The following BBS9 variants were observed in gnomAD, a reference collection of about 807,000 sequenced individuals.
BBS9 encodes the protein protein PTHB1.
Under a neutral mutation model 117.7 loss-of-function variants are expected in BBS9, and 89 were observed. That is an observed-to-expected ratio of 0.76 (90% confidence interval 0.64 to 0.90). The LOEUF is 0.90. Among genes scored for constraint, BBS9 ranks in the 40% least tolerant of loss-of-function variants. BBS9 has a pLI of 0.00. For missense variants in BBS9, 982 were observed against 1,042.2 expected (o/e 0.94, Z 0.80); for synonymous variants, 379 against 370.9 (o/e 1.02, Z -0.25).
chr7:33,140,446 G>A (rs1056542864), intron 1 of BBS9, among the ~76,000 whole-genome samples: 2 of 151,722 alleles, frequency 1.3e-5, no homozygotes, highest in African/African-American at 4.8e-5. Flanking sequence ...TCCTTTTATC[G>A]TAGCCATCCT....
At chr7:33,511,611 T>G (rs544739898) in intron 20 of BBS9, among the ~76,000 whole-genome samples, 9 of 152,340 alleles carry the variant, frequency 5.9e-5, no homozygotes, top group South Asian at 4.1e-4. Context: ...GTACTGAACT[T>G]AAAAATCCCC....
intron 19 of BBS9, among the ~76,000 whole-genome samples, chr7:33,493,119 T>C (rs1461486678): frequency 1.3e-5 from 2 of 152,056 alleles, no homozygotes; most frequent in Non-Finnish European, 2.9e-5. Flanking sequence ...CTTAGCCTCC[T>C]GAGTAGCTGA....
At chr7:33,180,284 C>G (rs1196781464) in intron 5 of BBS9, among the ~76,000 whole-genome samples, 1 of 152,176 alleles carries the variant, frequency 6.6e-6, no homozygotes, top group Admixed American at 6.5e-5. Flanking sequence ...CTTCCCCTCC[C>G]TTGTTCAGGT....
intron 11 of BBS9, among the ~76,000 whole-genome samples, chr7:33,342,826 G>T (rs115516422): frequency 0.011 from 1,660 of 152,118 alleles, 20 homozygotes; most frequent in African/African-American, 0.038. Context: ...GGAGATGTTG[G>T]TTTCTCTTCT....
intron 9 of BBS9, among the ~76,000 whole-genome samples, chr7:33,295,692 A>G (rs1184594771): frequency 6.6e-6 from 1 of 152,046 alleles, no homozygotes; most frequent in African/African-American, 2.4e-5. Context: ...TTAAGAGAGA[A>G]CTTAAGATAT....
intron 7 of BBS9, among the ~76,000 whole-genome samples, chr7:33,266,481 T>C (rs1205837540): frequency 2.0e-5 from 3 of 152,358 alleles, no homozygotes; most frequent in Admixed American, 2.0e-4. Flanking sequence ...CATTGAGATT[T>C]GTCTTATGGC....
At chr7:33,266,594 G>A (rs1196017934) in intron 7 of BBS9, among the ~76,000 whole-genome samples, 1 of 151,926 alleles carries the variant, frequency 6.6e-6, no homozygotes, top group East Asian at 1.9e-4. Context: ...AGATTATGTT[G>A]GATGATAGTG....
chr7:33,569,481 C>T (rs1205360655), intron 21 of BBS9, among the ~76,000 whole-genome samples: 4 of 151,350 alleles, frequency 2.6e-5, no homozygotes, highest in African/African-American at 7.3e-5. Context: ...ATAGGCCGGG[C>T]GCAGTGGCCC....
chr7:33,552,507 G>C (rs1360493019), intron 21 of BBS9, among the ~76,000 whole-genome samples: 1 of 152,080 alleles, frequency 6.6e-6, no homozygotes, highest in Non-Finnish European at 1.5e-5. Context: ...TCAGCCCTGA[G>C]TCAATCTTTG....
intron 9 of BBS9, among the ~76,000 whole-genome samples, chr7:33,295,587 C>A (rs552584804): frequency 4.7e-4 from 71 of 151,350 alleles, no homozygotes; most frequent in Non-Finnish European, 7.1e-4. Context: ...TTGTGGAATT[C>A]AAAAAAACAC....
chr7:33,168,189 G>T (rs1795983247), intron 4 of BBS9, among the ~76,000 whole-genome samples: 1 of 152,168 alleles, frequency 6.6e-6, no homozygotes, highest in South Asian at 2.1e-4. Context: ...GTTAGAGGCT[G>T]AAAGAGACTT....
intron 19 of BBS9, among the ~76,000 whole-genome samples, chr7:33,389,646 GC>G (rs1464230792): frequency 7.2e-6 from 1 of 139,022 alleles, no homozygotes; most frequent in Non-Finnish European, 1.5e-5. Flanking sequence ...CCGAGATCGC[GC>G]CATTGCACTC....
At chr7:33,193,422 CT>C (rs36059892) in intron 5 of BBS9, among the ~76,000 whole-genome samples, 23 of 26,124 alleles carry the variant, frequency 8.8e-4, no homozygotes, top group Middle Eastern at 0.025. Context: ...CTCTCTCTGC[CT>C]TTTTTTTTTT....
intron 19 of BBS9, among the ~76,000 whole-genome samples, chr7:33,467,379 T>C (rs1840331616): frequency 1.3e-5 from 2 of 152,170 alleles, no homozygotes; most frequent in Admixed American, 1.3e-4. Context: ...CCCTGTGTTA[T>C]CTCCATCGAT....
intron 19 of BBS9, among the ~76,000 whole-genome samples, chr7:33,465,299 G>T (rs1305687990): frequency 8.8e-5 from 13 of 148,336 alleles, no homozygotes; most frequent in African/African-American, 3.0e-4. Flanking sequence ...ATGCTTTCAT[G>T]AGGCATATTT....
At chr7:33,299,766 C>T (rs1440330964) in intron 9 of BBS9, among the ~76,000 whole-genome samples, 2 of 152,028 alleles carry the variant, frequency 1.3e-5, no homozygotes, top group Non-Finnish European at 2.9e-5. Context: ...GCAGGTACTA[C>T]TAGTATTTTT....
chr7:33,175,688 T>C (rs1417474184), intron 4 of BBS9, among the ~76,000 whole-genome samples: 2 of 152,150 alleles, frequency 1.3e-5, no homozygotes, highest in Non-Finnish European at 2.9e-5. Flanking sequence ...GCTACCATGA[T>C]TGGCCAGGCT....
rs1372140370 is a variant in BBS9 at position 33,605,738 on chromosome 7, A to T, written c.*512A>T. 1 of 161,334 alleles carries T rather than the reference A, an allele frequency of 6.2e-6. No individual in the cohort carries two copies. The highest frequency in any genetic ancestry group is 2.4e-5 in the African/African-American group (1 of 41,490). The allele number at this position is 161,334 out of a possible 1,614,324, so 10.0% of individuals were successfully genotyped here. Reference sequence around the variant, plus strand: ...GAAGACTTTGCTACTCTCTGGTAAGACTTGAATGTGATTATTTTATAAATA... The same window carrying T: ...GAAGACTTTGCTACTCTCTGGTAAGTCTTGAATGTGATTATTTTATAAATA... On this transcript the variant is annotated 3_prime_UTR_variant, in exon 23 of 23. Coordinates refer to ENST00000242067, the MANE Select transcript of BBS9 (RefSeq NM_198428.3).
chr7:33,258,974 C>A (rs73309312), intron 6 of BBS9, among the ~76,000 whole-genome samples: 17,155 of 152,002 alleles, frequency 0.11, 1,139 homozygotes, highest in African/African-American at 0.18. Context: ...CATTATGTGG[C>A]TCATTTATAA....
Sources: gnomAD v4.1 joint callset for allele counts (sites outside exome capture counted in the v4.1 genomes callset) on GRCh38, gnomAD v4.1.1 for gene constraint, MANE v1.5 for transcripts, NCBI Gene and HGNC (gene_info 2026-07-23, HGNC 2026-07-21) for gene names.